MYO9A: variants seen among roughly 807,000 people sequenced by gnomAD.
MYO9A encodes the protein myosin IXA.
A neutral mutation model predicts 293.3 loss-of-function variants in MYO9A; 103 were observed. The ratio of observed to expected loss-of-function variants is 0.35; its 90% CI spans 0.30 to 0.41. MYO9A has a LOEUF of 0.41. Among genes scored for constraint, MYO9A ranks in the 10% least tolerant of loss-of-function variants. The pLI is 1.00. For missense variants in MYO9A, 2,685 were observed against 3,033.0 expected, an observed-to-expected ratio of 0.89 and a Z score of 2.69; for synonymous variants, 1,001 against 1,035.7, an observed-to-expected ratio of 0.97 and a Z score of 0.64.
intron 11 of MYO9A, among the ~76,000 whole-genome samples, chr15:71,984,620 CT>C (rs2076363436): frequency 6.6e-6 from 1 of 152,110 alleles, no homozygotes; most frequent in African/African-American, 2.4e-5. Flanking sequence ...GTATAAGTCT[CT>C]TTCTTATCTT....
At chr15:71,845,163 C>A (rs1194317831) in intron 39 of MYO9A, among the ~76,000 whole-genome samples, 1 of 152,050 alleles carries the variant, frequency 6.6e-6, no homozygotes, top group African/African-American at 2.4e-5. Flanking sequence ...AAGGAGAGAT[C>A]CTTTATCCAA....
chr15:71,947,300 A>AG (rs1567304688), intron 15 of MYO9A, among the ~76,000 whole-genome samples: 3 of 150,576 alleles, frequency 2.0e-5, no homozygotes, highest in Admixed American at 1.3e-4. Context: ...AAAAAAAAAA[A>AG]GTTTTATTTA....
chr15:71,928,031 T>TATATATATATATATATATATATATATAC (rs2058361666), intron 18 of MYO9A, among the ~76,000 whole-genome samples: 1 of 8,116 alleles, frequency 1.2e-4, no homozygotes, highest in African/African-American at 2.6e-4. Context: ...CTTTCTAATA[T>TATATATATATATATATATATATATATAC]ATATATATAT....
chr15:71,924,835 G>A lies in MYO9A; in HGVS notation c.2563-8343C>T, dbSNP rs370275109. On this transcript the variant is annotated intron_variant, in intron 18 of 41. Coordinates refer to ENST00000356056, the MANE Select transcript of MYO9A (RefSeq NM_006901.4). ...TTTGGGAGGTTGAGGCAGGAGAATC[G>A]CTTGAACTCGGGAGGTGGAGATTGC... 1.8e-4 allele frequency among the ~76,000 whole-genome samples: 27 copies of A among 151,942 alleles called. 1 individual carries two copies. In the South Asian group the frequency reaches 5.2e-3, roughly 29 times the overall value.
intron 1 of MYO9A, among the ~76,000 whole-genome samples, chr15:72,092,706 C>G (rs1024769423): frequency 6.6e-6 from 1 of 152,130 alleles, no homozygotes; most frequent in African/African-American, 2.4e-5. Context: ...AACCAGTGAG[C>G]ATGGATGTAT....
chr15:71,871,870 C>T (rs1394357265), intron 32 of MYO9A, among the ~76,000 whole-genome samples: 2 of 151,136 alleles, frequency 1.3e-5, no homozygotes, highest in Non-Finnish European at 2.9e-5. Context: ...ATCCTGAAAA[C>T]AGAGGAGGAA....
intron 19 of MYO9A, among the ~76,000 whole-genome samples, chr15:71,905,831 G>A (rs1449950065): frequency 6.9e-6 from 1 of 144,558 alleles, no homozygotes; most frequent in African/African-American, 2.5e-5. Flanking sequence ...TCAGTGTTTT[G>A]TCTATTTTTC....
At chr15:71,876,922 A>G (rs970462790) in intron 31 of MYO9A, among the ~76,000 whole-genome samples, 5 of 152,222 alleles carry the variant, frequency 3.3e-5, no homozygotes, top group Non-Finnish European at 7.3e-5. Context: ...ACGTAGTAGA[A>G]GCCTACTAAG....
chr15:72,097,321 A>C (rs2150751466), intron 1 of MYO9A, among the ~76,000 whole-genome samples: 1 of 152,330 alleles, frequency 6.6e-6, no homozygotes, highest in African/African-American at 2.4e-5. Flanking sequence ...CCATGAAGTA[A>C]AGAACCTCCA....
intron 31 of MYO9A, among the ~76,000 whole-genome samples, chr15:71,876,061 A>G (rs2056672880): frequency 6.6e-6 from 1 of 152,172 alleles, no homozygotes; most frequent in African/African-American, 2.4e-5. Flanking sequence ...AGGATACTTT[A>G]GAGATTATTC....
intron 15 of MYO9A, among the ~76,000 whole-genome samples, chr15:71,942,387 C>G (rs1232259275): frequency 6.6e-6 from 1 of 151,952 alleles, no homozygotes; most frequent in Non-Finnish European, 1.5e-5. Context: ...TTAGGTTTGT[C>G]TCTTGTAAGC....
intron 1 of MYO9A, among the ~76,000 whole-genome samples, chr15:72,054,785 G>C (rs2078673698): frequency 6.6e-6 from 1 of 151,380 alleles, no homozygotes; most frequent in Admixed American, 6.6e-5. Context: ...ATCAAGCAAG[G>C]AAGCAGAAAC....
intron 1 of MYO9A, among the ~76,000 whole-genome samples, chr15:72,086,018 G>T (rs2079710828): frequency 6.6e-6 from 1 of 152,154 alleles, no homozygotes; most frequent in Admixed American, 6.5e-5. Context: ...GGGGGTAGGA[G>T]GGTGTCAAGG....
At chr15:71,874,856 T>C (rs920182374) in intron 32 of MYO9A, among the ~76,000 whole-genome samples, 2 of 152,182 alleles carry the variant, frequency 1.3e-5, no homozygotes, top group African/African-American at 4.8e-5. Flanking sequence ...ACATACTGTT[T>C]TTCCCAATGG....
intron 15 of MYO9A, among the ~76,000 whole-genome samples, chr15:71,948,849 G>A (rs2058983145): frequency 1.3e-5 from 2 of 151,788 alleles, no homozygotes; most frequent in South Asian, 4.2e-4. Context: ...AGCAACAGTG[G>A]ATACTGTTAG....
chr15:72,038,119 A>AC (rs1202174867), intron 2 of MYO9A, among the ~76,000 whole-genome samples: 1 of 152,014 alleles, frequency 6.6e-6, no homozygotes, highest in African/African-American at 2.4e-5. Context: ...ACAGGGTCTC[A>AC]CCCATGTTGC....
chr15:72,112,582 T>G (rs959222147), intron 1 of MYO9A, among the ~76,000 whole-genome samples: 9 of 152,230 alleles, frequency 5.9e-5, no homozygotes, highest in East Asian at 5.8e-4. Flanking sequence ...CTTAGTAGTA[T>G]TATGTTATTT....
rs1313741216 is a variant in MYO9A, at chr15:71,825,901, C to T, written c.*679G>A. The T allele has an allele frequency of 1.3e-5, 2 of 150,774 alleles. No homozygotes were observed. Among genetic ancestry groups the T allele is most frequent in the Admixed American group, 1.3e-4 (2 of 15,180 alleles). The allele number at this position is 150,774 out of a possible 1,614,324, so 9.3% of individuals were successfully genotyped here. A position where few individuals can be genotyped will look rare whatever the true frequency, so the allele number is the denominator to read the frequency against. Reference sequence around the variant, plus strand: ...CACTGATTACTATGACATCAAACATCATCAAAAAAAATAGGTATTCTCTTC... The same window carrying T: ...CACTGATTACTATGACATCAAACATTATCAAAAAAAATAGGTATTCTCTTC... On this transcript the variant is annotated 3_prime_UTR_variant, in exon 42 of 42. Coordinates refer to ENST00000356056, the MANE Select transcript of MYO9A (RefSeq NM_006901.4).
At chr15:71,920,318 C>T (rs1437914530) in intron 18 of MYO9A, among the ~76,000 whole-genome samples, 1 of 152,092 alleles carries the variant, frequency 6.6e-6, no homozygotes. Context: ...TTTTGAGTCT[C>T]CCAAAATTCA....
Sources: allele counts gnomAD v4.1 joint callset (sites outside exome capture counted in the v4.1 genomes callset), GRCh38; gene constraint gnomAD v4.1.1; transcripts MANE v1.5; gene names NCBI Gene and HGNC (gene_info 2026-07-23, HGNC 2026-07-21).